The following LOC128462377 variants were observed in gnomAD, a reference collection of about 807,000 sequenced individuals.
At chr16:89,376,766 G>C in the LOC128462377 span, among the ~76,000 whole-genome samples, 5 of 152,152 alleles carry the variant, frequency 3.3e-5, no homozygotes, top group African/African-American at 1.2e-4. Context: ...GAATGCAGGT[G>C]AAACTCCCCT....
the LOC128462377 span, chr16:89,324,574 G>T: frequency 1.8e-5 from 8 of 453,020 alleles, no homozygotes; most frequent in East Asian, 7.0e-5. Context: ...CCCTCCATCT[G>T]GGGGGGCATG....
At chr16:89,348,747 C>G in the LOC128462377 span, among the ~76,000 whole-genome samples, 1 of 152,022 alleles carries the variant, frequency 6.6e-6, no homozygotes, top group Non-Finnish European at 1.5e-5. Flanking sequence ...TTAACAAATT[C>G]CCTTATTGTA....
the LOC128462377 span, among the ~76,000 whole-genome samples, chr16:89,374,699 A>C: frequency 6.6e-6 from 1 of 152,108 alleles, no homozygotes; most frequent in East Asian, 1.9e-4. Context: ...AAGCACTTCA[A>C]CTCTGCTCAG....
At chr16:89,341,457 C>T in the LOC128462377 span, among the ~76,000 whole-genome samples, 1 of 152,214 alleles carries the variant, frequency 6.6e-6, no homozygotes, top group Non-Finnish European at 1.5e-5. Context: ...CCAGAAGGTT[C>T]CAGAAGGCCT....
At chr16:89,381,582 C>T in the LOC128462377 span, among the ~76,000 whole-genome samples, 8 of 152,132 alleles carry the variant, frequency 5.3e-5, no homozygotes, top group Admixed American at 3.3e-4. Context: ...AACTTACATG[C>T]GATGATACGC....
the LOC128462377 span, among the ~76,000 whole-genome samples, chr16:89,410,811 A>C: frequency 6.6e-6 from 1 of 152,224 alleles, no homozygotes; most frequent in Non-Finnish European, 1.5e-5. Flanking sequence ...AGCCCATGGG[A>C]AGCTTAACAG....
At chr16:89,417,566 G>A in the LOC128462377 span, among the ~76,000 whole-genome samples, 1 of 152,132 alleles carries the variant, frequency 6.6e-6, no homozygotes, top group Non-Finnish European at 1.5e-5. Flanking sequence ...CAAGGAGTCA[G>A]GGCTGGCGAA....
At chr16:89,365,605 GGTAT>G in the LOC128462377 span, among the ~76,000 whole-genome samples, 1 of 152,194 alleles carries the variant, frequency 6.6e-6, no homozygotes, top group Non-Finnish European at 1.5e-5. Context: ...TTGAAAAAGA[GGTAT>G]GTTCACTCAA....
the LOC128462377 span, among the ~76,000 whole-genome samples, chr16:89,411,507 G>A: frequency 9.9e-5 from 15 of 152,204 alleles, no homozygotes; most frequent in East Asian, 2.3e-3. Flanking sequence ...TCTGCCTCCC[G>A]AGCTCAAGAG....
At chr16:89,345,751 G>A in the LOC128462377 span, among the ~76,000 whole-genome samples, 2 of 152,144 alleles carry the variant, frequency 1.3e-5, no homozygotes, top group Non-Finnish European at 2.9e-5. Context: ...ATACACACCA[G>A]GTGCATGCTG....
At chr16:89,396,383 C>T in the LOC128462377 span, among the ~76,000 whole-genome samples, 2 of 152,180 alleles carry the variant, frequency 1.3e-5, no homozygotes, top group Admixed American at 6.5e-5. Flanking sequence ...CCGCACTCGC[C>T]GCAAGAGAGA....
the LOC128462377 span, among the ~76,000 whole-genome samples, chr16:89,340,204 TGTCACACTGTATA>T: frequency 1.3e-5 from 2 of 152,264 alleles, no homozygotes; most frequent in Admixed American, 6.5e-5. Flanking sequence ...TCTGATGAAA[TGTCACACTGTATA>T]GTCATTCACA....
At chr16:89,337,429 C>CTTTTT in the LOC128462377 span, among the ~76,000 whole-genome samples, 301 of 53,130 alleles carry the variant, frequency 5.7e-3, 91 homozygotes, top group African/African-American at 0.014. Flanking sequence ...CTAAGCAATT[C>CTTTTT]TTTTTTTTTT....
chr16:89,327,370 G>A, the LOC128462377 span, among the ~76,000 whole-genome samples: 9 of 152,270 alleles, frequency 5.9e-5, no homozygotes, highest in Admixed American at 3.9e-4. Flanking sequence ...CAAGAGTGAC[G>A]TGCTGAGGGC....
At chr16:89,405,235 A>T in the LOC128462377 span, among the ~76,000 whole-genome samples, 1 of 152,178 alleles carries the variant, frequency 6.6e-6, no homozygotes, top group Non-Finnish European at 1.5e-5. Context: ...AGGAGGTACC[A>T]CATATGCGGT....
chr16:89,331,433 AG>A, the LOC128462377 span, among the ~76,000 whole-genome samples: 15 of 152,330 alleles, frequency 9.8e-5, no homozygotes, highest in Admixed American at 9.8e-4. Flanking sequence ...AAAAGAACAA[AG>A]GGAGAATTTA....
the LOC128462377 span, among the ~76,000 whole-genome samples, chr16:89,331,140 G>A: frequency 6.6e-6 from 1 of 152,148 alleles, no homozygotes; most frequent in African/African-American, 2.4e-5. Flanking sequence ...TTTGAGGAGA[G>A]ATGGGGTTTC....
the LOC128462377 span, among the ~76,000 whole-genome samples, chr16:89,349,579 C>G: frequency 2.0e-5 from 3 of 152,152 alleles, no homozygotes; most frequent in Non-Finnish European, 4.4e-5. Context: ...ACAAATGATG[C>G]TGGAAATAAT....
the LOC128462377 span, among the ~76,000 whole-genome samples, chr16:89,398,878 C>T: frequency 6.6e-6 from 1 of 152,168 alleles, no homozygotes; most frequent in African/African-American, 2.4e-5. Context: ...CAGTGGCAGG[C>T]ACATGGCTCA....
Sources: gnomAD v4.1 joint callset for allele counts (sites outside exome capture counted in the v4.1 genomes callset) on GRCh38, gnomAD v4.1.1 for gene constraint, MANE v1.5 for transcripts.